The following ITSN2 variants were observed in gnomAD, a reference collection of about 807,000 sequenced individuals.
ITSN2 encodes the protein intersectin 2, also known as intersectin-2.
In ITSN2, 156 loss-of-function variants were observed where a neutral mutation model predicts 243.7. The observed-to-expected ratio is 0.64, with a 90% CI of 0.56 to 0.73. The LOEUF (loss-of-function observed/expected upper bound fraction) is 0.73, where lower values mean the gene tolerates loss of function less well. Ranked by LOEUF, ITSN2 falls within the 30% of genes least tolerant of loss-of-function variation. ITSN2 has a pLI of 0.00. For missense variants in ITSN2, 1,801 were observed against 1,996.1 expected (o/e 0.90, Z 1.86); for synonymous variants, 703 against 699.9 (o/e 1.00, Z -0.07).
chr2:24,295,854 A>G (rs1680898277), intron 13 of ITSN2, 50 bp from the exon 14 acceptor site: 1 of 1,265,052 alleles, frequency 7.9e-7, no homozygotes, highest in African/African-American at 1.6e-5. Flanking sequence ...CTAATAGAAA[A>G]TGTTTCTACA....
chr2:24,209,191 G>C lies in ITSN2; in HGVS notation c.4504C>G (p.Leu1502Val). The change falls in exon 36 of 40, where the codon CTG (leucine) becomes GTG (valine). Residue 1502 changes from leucine (L) to valine (V), a missense_variant. Around this residue, in one of 5 missense-constraint regions of ITSN2, gnomAD observed 928 missense variants for 1,065.4 expected, o/e 0.87. Coordinates refer to ENST00000355123, the MANE Select transcript of ITSN2 (RefSeq NM_006277.3). ...TCATCGCTGGAAGGGTCTGTGGGCA[G>C]TTTCACCAAGACTTCATTCAGGAAA... Reference protein sequence around the residue: ...PIFLNEVLVKLPTDPSSDEPV... With the variant: ...PIFLNEVLVKVPTDPSSDEPV... 1 of 1,614,130 alleles carries C rather than the reference G, an allele frequency of 6.2e-7. No individual in the cohort carries two copies. Among genetic ancestry groups the C allele is most frequent in the Non-Finnish European group, 8.5e-7 (1 of 1,180,010 alleles).
chr2:24,305,695 G>T (rs540878873), intron 8 of ITSN2, among the ~76,000 whole-genome samples: 1 of 151,736 alleles, frequency 6.6e-6, no homozygotes, highest in African/African-American at 2.4e-5. Context: ...TCAGCTTAAG[G>T]ACACCAGCAG....
chr2:24,297,158 A>G (rs1681075270), intron 13 of ITSN2, among the ~76,000 whole-genome samples: 1 of 152,214 alleles, frequency 6.6e-6, no homozygotes, highest in Admixed American at 6.5e-5. Flanking sequence ...ATAAAATAAT[A>G]TATTTCTGAC....
chr2:24,343,447 C>T (rs1010218831), intron 1 of ITSN2, among the ~76,000 whole-genome samples: 2 of 152,248 alleles, frequency 1.3e-5, no homozygotes, highest in East Asian at 1.9e-4. Flanking sequence ...ACACTAGTTA[C>T]TCTGCTTTTG....
intron 29 of ITSN2, among the ~76,000 whole-genome samples, chr2:24,223,693 AAAAAAAGG>A (rs1186753814): frequency 1.3e-5 from 2 of 150,674 alleles, no homozygotes; most frequent in Admixed American, 1.3e-4. Context: ...CAAAAAAAAA[AAAAAAAGG>A]AAAAGAAAGG....
chr2:24,287,874 C>T (rs561468454), intron 15 of ITSN2, among the ~76,000 whole-genome samples: 76 of 152,058 alleles, frequency 5.0e-4, no homozygotes, highest in African/African-American at 1.8e-3. Context: ...GGTCCTTTGC[C>T]CATTTTGAAA....
Position 24,204,243 on chromosome 2 carries a change from A to C in ITSN2, c.4936+2T>G. On this transcript the variant is annotated splice_donor_variant, in intron 39 of 39. Transcript: ENST00000355123. LOFTEE classifies it high-confidence loss of function. The surrounding 1 kb of genome is among the most constrained non-coding windows in gnomAD (Gnocchi z 5.1). ...TAGATCCCCTGGCTGAGCGACACTT[A>C]CCATCTGGTGAAAACTGGTCTCTGT... 1 of 1,613,878 alleles carries C rather than the reference A, an allele frequency of 6.2e-7. No homozygotes were observed. The highest frequency in any genetic ancestry group is 8.5e-7 in the Non-Finnish European group (1 of 1,179,962).
At chr2:24,212,893 G>C (rs1464980353) in intron 32 of ITSN2, 145 bp from the exon 33 acceptor site, 4 of 667,282 alleles carry the variant, frequency 6.0e-6, no homozygotes, top group Non-Finnish European at 1.0e-5. Flanking sequence ...TTTTAGGTGA[G>C]TGTTCTATTT....
chr2:24,281,561 CTG>C (rs1305931635), intron 17 of ITSN2, among the ~76,000 whole-genome samples: 1 of 152,224 alleles, frequency 6.6e-6, no homozygotes, highest in Non-Finnish European at 1.5e-5. Flanking sequence ...TCAGCTTTCT[CTG>C]TGCTTATACC....
At chr2:24,280,897 C>A (rs34504814) in intron 17 of ITSN2, among the ~76,000 whole-genome samples, 2 of 152,030 alleles carry the variant, frequency 1.3e-5, no homozygotes, top group East Asian at 3.9e-4. Flanking sequence ...TAATCCATCA[C>A]TCCCATTATT....
chr2:24,310,523 G>T lies in ITSN2; in HGVS notation c.522C>A (p.Leu174=). Residue 174 remains leucine (L), a synonymous_variant, in exon 6 of 40, where the codon CTC becomes CTA. Transcript: ENST00000355123. ...TSSLPNGTAS[L]IQPLPIPYSS... ...AATAAGGAATGGGTAAAGGCTGAAT[G>T]AGACTGGCGGTTCCATTTGGTAATG... is the stretch of plus-strand genomic sequence containing the variant. The T allele has an allele frequency of 6.2e-7, 1 of 1,614,184 alleles. No individual in the cohort carries two copies. The highest frequency in any genetic ancestry group is 8.5e-7 in the Non-Finnish European group (1 of 1,180,016).
chr2:24,262,917 T>G (rs539220132), intron 20 of ITSN2, among the ~76,000 whole-genome samples: 1 of 152,270 alleles, frequency 6.6e-6, no homozygotes, highest in African/African-American at 2.4e-5. Context: ...TCTTTTACAC[T>G]TCCACATCCA....
chr2:24,261,622 A>T lies in ITSN2; in HGVS notation c.2476T>A (p.Ser826Thr), dbSNP rs1327480135. ...GGAGGAAGTAAGGCCTTCTTTGGAG[A>T]TACAGCTTTTTCATTTTCACTTGAT... is the stretch of plus-strand genomic sequence containing the variant. ...MPSSENEKAV[S>T]PKKALLPPTV... Residue 826 changes from serine (S) to threonine (T), a missense_variant, in exon 21 of 40, where the codon TCT becomes ACT. By Grantham distance (58) the Ser-to-Thr change is moderately conservative. This residue lies in a region of ITSN2 where 928 missense variants were observed against 1,065.4 expected (regional missense o/e 0.87). Coordinates refer to ENST00000355123, the MANE Select transcript of ITSN2 (RefSeq NM_006277.3). The T allele has an allele frequency of 6.2e-7, 1 of 1,613,686 alleles. No individual in the cohort carries two copies. Among genetic ancestry groups the T allele is most frequent in the Admixed American group, 1.7e-5 (1 of 60,014 alleles).
intron 30 of ITSN2, chr2:24,220,724 G>C: frequency 7.4e-7 from 1 of 1,344,908 alleles, no homozygotes; most frequent in Non-Finnish European, 9.5e-7. Flanking sequence ...GACCTCATCT[G>C]GGGGAAAGAG....
At chr2:24,295,558 C>T (rs1680848541) in intron 14 of ITSN2, 106 bp downstream of exon 14, 1 of 837,758 alleles carries the variant, frequency 1.2e-6, no homozygotes, top group Non-Finnish European at 1.7e-6. Flanking sequence ...ATCCACCCGC[C>T]TCAGCCTCCC....
At chr2:24,290,090 T>C (rs1680060639) in intron 15 of ITSN2, among the ~76,000 whole-genome samples, 2 of 152,194 alleles carry the variant, frequency 1.3e-5, no homozygotes, top group African/African-American at 2.4e-5. Flanking sequence ...GGCTCGTAGA[T>C]TTTTGTCTTT....
At chr2:24,360,589 C>A (rs932434676), upstream of ITSN2, 2 of 152,274 alleles carry the variant, frequency 1.3e-5, no homozygotes, top group Admixed American at 1.3e-4. Context: ...GCTGACGGCC[C>A]GCCCGCTGCC....
chr2:24,311,062 T>TACACACACACAC (rs71397421), intron 5 of ITSN2, among the ~76,000 whole-genome samples: 261 of 147,984 alleles, frequency 1.8e-3, no homozygotes, highest in African/African-American at 5.9e-3. Flanking sequence ...ACTTGACTAA[T>TACACACACACAC]ACACACACAC....
In ITSN2 at chr2:24,209,946, C is replaced by A; in HGVS notation, c.4345G>T (p.Glu1449Ter). ...TCATTGAAGAGGAATCCGTGCAGTT[C>A]CTTGTTGCTCTTGGTCTTGTATAAT... ...GKLYKTKSNK[E>*]LHGFLFNDFL... The change falls in exon 35 of 40, where the codon GAA becomes TAA. Residue 1449 changes from glutamate (E) to a stop codon, truncating the protein, a stop_gained. Transcript: ENST00000355123. LOFTEE classifies it high-confidence loss of function. The A allele has an allele frequency of 1.2e-6, 2 of 1,614,200 alleles. No homozygotes were observed. The highest frequency in any genetic ancestry group is 1.7e-6 in the Non-Finnish European group (2 of 1,180,020).
Sources: allele counts gnomAD v4.1 joint callset (sites outside exome capture counted in the v4.1 genomes callset), GRCh38; gene constraint gnomAD v4.1.1; regional missense constraint gnomAD v4.1.1; non-coding constraint Gnocchi (gnomAD v3.1); transcripts MANE v1.5; gene names NCBI Gene and HGNC (gene_info 2026-07-23, HGNC 2026-07-21).